HIVEP3: variants seen among roughly 807,000 people sequenced by gnomAD.
HIVEP3 encodes the protein transcription factor HIVEP3.
In HIVEP3, 49 loss-of-function variants were observed where a neutral mutation model predicts 152.8. That is an observed-to-expected ratio of 0.32 (90% CI 0.26 to 0.41). The LOEUF (loss-of-function observed/expected upper bound fraction) is 0.41, where lower values mean the gene tolerates loss of function less well. Ranked by LOEUF, HIVEP3 falls within the 10% of genes least tolerant of loss-of-function variation. The probability of loss-of-function intolerance (pLI) is 1.00; values close to 1 mark genes in which losing one functional copy is unlikely to be tolerated. For missense variants in HIVEP3, 2,790 were observed against 3,103.3 expected (o/e 0.90, Z 2.40); for synonymous variants, 1,269 against 1,289.0 (o/e 0.98, Z 0.33).
At chr1:41,938,510 A>C (rs1393903733) in intron 1 of HIVEP3, among the ~76,000 whole-genome samples, 4 of 152,216 alleles carry the variant, frequency 2.6e-5, no homozygotes, top group Non-Finnish European at 4.4e-5. Context: ...AGTGTAACCA[A>C]ACCACTGATG....
At chr1:41,974,486 TACACACACACACAC>T (rs66882363) in intron 1 of HIVEP3, among the ~76,000 whole-genome samples, 7 of 134,202 alleles carry the variant, frequency 5.2e-5, no homozygotes, top group African/African-American at 8.6e-5. Context: ...CTCCACCCCC[TACACACACACACAC>T]ACACACACAC....
intron 1 of HIVEP3, among the ~76,000 whole-genome samples, chr1:41,766,712 C>T (rs1570490236): frequency 6.6e-6 from 1 of 152,348 alleles, no homozygotes; most frequent in Non-Finnish European, 1.5e-5. Context: ...TGGCTCAGTC[C>T]AGTGGGCAGT....
chr1:41,837,616 A>C (rs1643162865), intron 1 of HIVEP3, among the ~76,000 whole-genome samples: 1 of 152,162 alleles, frequency 6.6e-6, no homozygotes, highest in Admixed American at 6.5e-5. Flanking sequence ...AAGAGCCACC[A>C]CGCCCGGCCT....
In HIVEP3 at chr1:41,686,184, G is replaced by A. The variant is rs140767397; in HGVS notation, c.-721+14732C>T. On this transcript the variant is annotated intron_variant, in intron 2 of 8. Transcript: ENST00000372583. ...CCTCCTGGGTTCAGGAGATTCTCAT[G>A]CCTCAGTCTCCCGAGTAGCTGGGAC... 5.7e-3 allele frequency among the ~76,000 whole-genome samples: 873 copies of A among 152,218 alleles called. 10 individuals carry two copies. Among genetic ancestry groups the A allele is most frequent in the African/African-American group, 0.02 (843 of 41,530 alleles).
intron 1 of HIVEP3, among the ~76,000 whole-genome samples, chr1:41,835,508 A>G (rs1425551471): frequency 6.6e-6 from 1 of 152,236 alleles, no homozygotes; most frequent in Non-Finnish European, 1.5e-5. Context: ...GTACACTCAC[A>G]CTGGGAGTTA....
intron 1 of HIVEP3, among the ~76,000 whole-genome samples, chr1:41,791,385 A>G (rs1349062852): frequency 1.3e-5 from 2 of 152,246 alleles, no homozygotes; most frequent in Non-Finnish European, 2.9e-5. Context: ...TTAGGTGACT[A>G]AGTCCTGGCC....
At chr1:41,729,226 A>G (rs1275285916) in intron 1 of HIVEP3, among the ~76,000 whole-genome samples, 1 of 152,214 alleles carries the variant, frequency 6.6e-6, no homozygotes, top group Non-Finnish European at 1.5e-5. Context: ...GGTGATCAGT[A>G]ACCGGCAGCC....
At chr1:41,864,774 T>C (rs908048904) in intron 1 of HIVEP3, 4 of 152,280 alleles carry the variant, frequency 2.6e-5, no homozygotes, top group East Asian at 1.9e-4. Context: ...CAGGTCCAGA[T>C]TGCAAATTGC....
rs1644914693 is a variant in HIVEP3 at position 41,918,908 on chromosome 1, C to T, written c.-1296G>A. Among the ~76,000 whole-genome samples, 1 of 152,194 alleles carries T rather than the reference C, an allele frequency of 6.6e-6. No individual in the cohort carries two copies. Among genetic ancestry groups the T allele is most frequent in the South Asian group, 2.1e-4 (1 of 4,822 alleles). On this transcript the variant is annotated 5_prime_UTR_variant, in exon 1 of 9. In the 5' UTR this introduces an upstream ATG that the reference lacks. Coordinates refer to ENST00000372583, the MANE Select transcript of HIVEP3 (RefSeq NM_024503.5). This position sits in a 1 kb window ranked among gnomAD's most constrained non-coding sequence, Gnocchi z 4.3. Reference sequence around the variant, plus strand: ...ACCCATGCCTCGCTTGTCTTTTCCACTAGGAGTCCAGACCTTTTTTGAAAG... The same window carrying T: ...ACCCATGCCTCGCTTGTCTTTTCCATTAGGAGTCCAGACCTTTTTTGAAAG...
At chr1:41,783,183 A>G (rs1201285842) in intron 1 of HIVEP3, among the ~76,000 whole-genome samples, 3 of 152,206 alleles carry the variant, frequency 2.0e-5, no homozygotes, top group Non-Finnish European at 4.4e-5. Flanking sequence ...GAAAAGGAGA[A>G]ACATGGTAAG....
At position 41,778,113 on chromosome 1, in the gene HIVEP3, G is replaced by A. The variant is rs146383023; in HGVS notation, c.-800-77118C>T. On this transcript the variant is annotated intron_variant, in intron 1 of 8. Transcript: ENST00000372583. ...CAGCAGATGATGCCATTAGTTGCAC[G>A]CACTTCATTGACCGAAAAGTTGATT... 1.6e-3 allele frequency among the ~76,000 whole-genome samples: 249 copies of A among 152,242 alleles called. 1 individual carries two copies. The highest frequency in any genetic ancestry group is 3.4e-3 in the Middle Eastern group (1 of 294).
intron 5 of HIVEP3, among the ~76,000 whole-genome samples, chr1:41,539,072 AT>A: frequency 6.6e-6 from 1 of 152,326 alleles, no homozygotes; most frequent in South Asian, 2.1e-4. Context: ...TGTAAAAACA[AT>A]TTGAAAATTA....
chr1:41,643,650 G>A (rs1645411755), intron 2 of HIVEP3, among the ~76,000 whole-genome samples: 1 of 152,148 alleles, frequency 6.6e-6, no homozygotes, highest in South Asian at 2.1e-4. Flanking sequence ...TGTCTGTGCT[G>A]CAGCTCCCAG....
At chr1:41,564,090 G>A (rs1389843198) in intron 5 of HIVEP3, among the ~76,000 whole-genome samples, 3 of 152,202 alleles carry the variant, frequency 2.0e-5, no homozygotes, top group African/African-American at 7.2e-5. Context: ...CTACTCGGGA[G>A]GCTGAGGCAG....
chr1:41,674,339 A>T (rs1484342924), intron 2 of HIVEP3, among the ~76,000 whole-genome samples: 1 of 152,206 alleles, frequency 6.6e-6, no homozygotes, highest in Non-Finnish European at 1.5e-5. Context: ...TTGTGGACAC[A>T]AGGGATGGCC....
intron 1 of HIVEP3, among the ~76,000 whole-genome samples, chr1:41,973,074 A>C (rs187121287): frequency 6.6e-6 from 1 of 151,776 alleles, no homozygotes; most frequent in African/African-American, 2.4e-5. Context: ...ACACACACAC[A>C]ATTATGAAAG....
chr1:41,889,183 CAT>C (rs202244221), intron 1 of HIVEP3, among the ~76,000 whole-genome samples: 4,002 of 150,350 alleles, frequency 0.027, 178 homozygotes, highest in African/African-American at 0.094. Context: ...CACAAACACA[CAT>C]ATCTCACACA....
intron 5 of HIVEP3, among the ~76,000 whole-genome samples, chr1:41,555,649 A>G (rs1263827456): frequency 6.6e-6 from 1 of 152,192 alleles, no homozygotes; most frequent in African/African-American, 2.4e-5. Flanking sequence ...AACCATTTTT[A>G]AGTGTGCAGT....
intron 2 of HIVEP3, among the ~76,000 whole-genome samples, chr1:41,676,740 A>G (rs1247132119): frequency 6.6e-6 from 1 of 152,020 alleles, no homozygotes; most frequent in Non-Finnish European, 1.5e-5. Flanking sequence ...GCTTCCCTTC[A>G]CAGGAGGCCA....
Sources: allele counts gnomAD v4.1 joint callset (sites outside exome capture counted in the v4.1 genomes callset), GRCh38; gene constraint gnomAD v4.1.1; non-coding constraint Gnocchi (gnomAD v3.1); transcripts MANE v1.5; gene names NCBI Gene and HGNC (gene_info 2026-07-23, HGNC 2026-07-21).